NCALD: variants seen among roughly 807,000 people sequenced by gnomAD.
NCALD encodes the protein neurocalcin-delta.
NCALD carries 10 observed loss-of-function variants against 18.6 expected under a neutral mutation model. The ratio of observed to expected loss-of-function variants is 0.54; its 90% confidence interval spans 0.33 to 0.91. The LOEUF is 0.91. Among genes scored for constraint, NCALD ranks in the 40% least tolerant of loss-of-function variants. The pLI is 0.03. For synonymous variants in NCALD, 88 were observed against 87.4 expected (o/e 1.01, Z -0.04); for missense variants, 184 against 247.6 (o/e 0.74, Z 1.72).
rs117851053 is a variant in NCALD, at chr8:101,944,913, T to G, written c.-156-29055A>C. The stretch of plus-strand genomic sequence containing the variant: ...GCCCACACCTCTATAAATAATCCCT[T>G]CATTAAATTATCTTTCAAATCCCAG... On this transcript the variant is annotated intron_variant, in intron 2 of 6. Transcript: ENST00000311028. Among the ~76,000 whole-genome samples the G allele has an allele frequency of 5.3e-5, 8 of 152,326 alleles. No individual in the cohort carries two copies. In the East Asian group the frequency reaches 1.5e-3, roughly 29 times the overall value.
intron 4 of NCALD, among the ~76,000 whole-genome samples, chr8:101,836,083 G>A (rs1814401204): frequency 6.6e-6 from 1 of 152,038 alleles, no homozygotes; most frequent in South Asian, 2.1e-4. Context: ...AAGGGACGGG[G>A]CTGTGGCTGG....
chr8:102,017,532 T>C (rs1477402848), intron 2 of NCALD, among the ~76,000 whole-genome samples: 1 of 152,056 alleles, frequency 6.6e-6, no homozygotes, highest in East Asian at 1.9e-4. Context: ...CTGTCTCCAC[T>C]AAAAATGCAA....
intron 4 of NCALD, among the ~76,000 whole-genome samples, chr8:101,814,922 T>C (rs1250882694): frequency 6.6e-6 from 1 of 152,060 alleles, no homozygotes; most frequent in Non-Finnish European, 1.5e-5. Flanking sequence ...CAAATATATA[T>C]GAGATCTTTA....
Position 102,066,814 on chromosome 8 carries a change from A to G in NCALD, c.-209-46525T>C, listed in dbSNP as rs562592829. Among the ~76,000 whole-genome samples, 116 of 152,346 alleles carry G rather than the reference A, an allele frequency of 7.6e-4. 1 individual carries two copies. Among genetic ancestry groups the G allele is most frequent in the African/African-American group, 2.7e-3 (114 of 41,590 alleles). ...GAAAACTCTTCAACTAAAGCACAAC[A>G]TTTCAGAAAGAGAGTGTGCACAGCC... On this transcript the variant is annotated intron_variant, in intron 1 of 6. Coordinates refer to the NCALD transcript ENST00000311028.
intron 1 of NCALD, among the ~76,000 whole-genome samples, chr8:101,744,828 A>G (rs1810360198): frequency 6.6e-6 from 1 of 152,158 alleles, no homozygotes; most frequent in African/African-American, 2.4e-5. Context: ...AGGCTCCAGG[A>G]AGCCGGGTAC....
At chr8:102,045,638 A>AT (rs71961891) in intron 1 of NCALD, among the ~76,000 whole-genome samples, 3 of 151,990 alleles carry the variant, frequency 2.0e-5, no homozygotes, top group South Asian at 2.1e-4. Flanking sequence ...GCTTTTAAAC[A>AT]TTTTTTTTAA....
intron 1 of NCALD, among the ~76,000 whole-genome samples, chr8:102,086,209 C>T (rs1194490285): frequency 6.6e-6 from 1 of 152,148 alleles, no homozygotes; most frequent in Non-Finnish European, 1.5e-5. Context: ...GACTGTACAG[C>T]TCTTTTGTGC....
At chr8:102,090,555 G>A (rs1587062433) in intron 1 of NCALD, among the ~76,000 whole-genome samples, 1 of 152,240 alleles carries the variant, frequency 6.6e-6, no homozygotes, top group African/African-American at 2.4e-5. Context: ...TAACGGCAGG[G>A]ACTGAACTAA....
At chr8:102,074,319 A>C (rs1184438529) in intron 1 of NCALD, among the ~76,000 whole-genome samples, 1 of 152,186 alleles carries the variant, frequency 6.6e-6, no homozygotes, top group East Asian at 1.9e-4. Flanking sequence ...AGGGTTGGTT[A>C]AGCTATCAAG....
chr8:101,787,460 C>T (rs566194226), intron 1 of NCALD, among the ~76,000 whole-genome samples: 25 of 152,186 alleles, frequency 1.6e-4, no homozygotes, highest in Non-Finnish European at 2.5e-4. Flanking sequence ...TTCTCTTACG[C>T]GGAGACAGTG....
Position 101,918,476 on chromosome 8 carries a change from G to T in NCALD, c.-156-2618C>A, listed in dbSNP as rs117349373. ...ATTCAATCTATTAATAATACTGGAA[G>T]TCCTAGCCAGAGCAATCAGGCAAGA... is the stretch of plus-strand genomic sequence containing the variant. On this transcript the variant is annotated intron_variant, in intron 2 of 6. Transcript: ENST00000311028. Among the ~76,000 whole-genome samples, 664 of 152,142 alleles carry T rather than the reference G, an allele frequency of 4.4e-3. 4 individuals carry two copies. Among genetic ancestry groups the T allele is most frequent in the Non-Finnish European group, 4.6e-3 (313 of 67,972 alleles).
At chr8:101,822,650 T>TA (rs1262046081) in intron 4 of NCALD, among the ~76,000 whole-genome samples, 1 of 152,222 alleles carries the variant, frequency 6.6e-6, no homozygotes, top group African/African-American at 2.4e-5. Flanking sequence ...TGCTGGCTGT[T>TA]ACAGCAGCAG....
chr8:101,878,728 C>T (rs904644277), intron 4 of NCALD, among the ~76,000 whole-genome samples: 5 of 152,112 alleles, frequency 3.3e-5, no homozygotes, highest in Admixed American at 2.0e-4. Context: ...GACTGATGAT[C>T]CCATTTATTC....
intron 1 of NCALD, among the ~76,000 whole-genome samples, chr8:101,737,675 T>C (rs1403562306): frequency 6.6e-6 from 1 of 152,226 alleles, no homozygotes; most frequent in East Asian, 1.9e-4. Flanking sequence ...AACATTAAAA[T>C]TCCAACTCTC....
At chr8:101,796,178 T>C (rs938013962) in intron 4 of NCALD, among the ~76,000 whole-genome samples, 1 of 152,184 alleles carries the variant, frequency 6.6e-6, no homozygotes, top group African/African-American at 2.4e-5. Flanking sequence ...CATTACACTC[T>C]CTAATTGGAT....
intron 2 of NCALD, among the ~76,000 whole-genome samples, chr8:101,994,280 C>A (rs1262619067): frequency 6.6e-6 from 1 of 152,094 alleles, no homozygotes; most frequent in Non-Finnish European, 1.5e-5. Context: ...TGTGAAGTCC[C>A]AATCTGGTTC....
At chr8:101,982,105 T>C (rs1820642003) in intron 2 of NCALD, among the ~76,000 whole-genome samples, 1 of 152,216 alleles carries the variant, frequency 6.6e-6, no homozygotes, top group Non-Finnish European at 1.5e-5. Context: ...CCACCATCAT[T>C]GTAAGCTTCC....
intron 2 of NCALD, among the ~76,000 whole-genome samples, chr8:101,961,219 A>C (rs1406586513): frequency 6.6e-6 from 1 of 152,186 alleles, no homozygotes; most frequent in Non-Finnish European, 1.5e-5. Context: ...AGATAATATA[A>C]GTAAAATATT....
chr8:102,013,007 A>G (rs1821959625), intron 2 of NCALD, among the ~76,000 whole-genome samples: 1 of 152,168 alleles, frequency 6.6e-6, no homozygotes, highest in African/African-American at 2.4e-5. Flanking sequence ...ACACACAAAT[A>G]TATACCCTCA....
Sources: gnomAD v4.1 joint callset for allele counts (sites outside exome capture counted in the v4.1 genomes callset) on GRCh38, gnomAD v4.1.1 for gene constraint, MANE v1.5 for transcripts, NCBI Gene and HGNC (gene_info 2026-07-23, HGNC 2026-07-21) for gene names.